The following SULF2 variants were observed in gnomAD, a reference collection of about 807,000 sequenced individuals.
The protein encoded by SULF2 is sulfatase 2, also known as extracellular sulfatase Sulf-2.
In SULF2, 52 loss-of-function variants were observed where a neutral mutation model predicts 107.7. The ratio of observed to expected loss-of-function variants is 0.48; its 90% CI spans 0.39 to 0.61. The LOEUF (loss-of-function observed/expected upper bound fraction) is 0.61, where lower values mean the gene tolerates loss of function less well. Ranked by LOEUF, SULF2 falls within the 20% of genes least tolerant of loss-of-function variation. SULF2 has a pLI of 0.00. For synonymous variants in SULF2, 460 were observed against 464.3 expected, an observed-to-expected ratio of 0.99 and a Z score of 0.12; for missense variants, 993 against 1,177.3, an observed-to-expected ratio of 0.84 and a Z score of 2.29.
chr20:47,747,018 T>TACACACACAC (rs58378160), intron 2 of SULF2, among the ~76,000 whole-genome samples: 21 of 75,130 alleles, frequency 2.8e-4, no homozygotes, highest in South Asian at 8.7e-4. Context: ...TATATATATA[T>TACACACACAC]ACACACACAC....
chr20:47,748,759 C>A (rs966342601), intron 2 of SULF2, among the ~76,000 whole-genome samples: 5 of 152,316 alleles, frequency 3.3e-5, no homozygotes, highest in Admixed American at 1.3e-4. Flanking sequence ...GTGGTGCCAA[C>A]AGAGGGTGAC....
At chr20:47,724,416 A>G (rs1191408525) in intron 3 of SULF2, among the ~76,000 whole-genome samples, 1 of 152,192 alleles carries the variant, frequency 6.6e-6, no homozygotes, top group African/African-American at 2.4e-5. Context: ...GGGGGACACC[A>G]AGGCCCTGCT....
rs905089835 is a variant in SULF2 at position 47,757,246 on chromosome 20, T to C, written c.118A>G (p.Arg40Gly). 1 of 1,570,512 alleles carries C rather than the reference T, an allele frequency of 6.4e-7. No individual in the cohort carries two copies. Among genetic ancestry groups the C allele is most frequent in the Non-Finnish European group, 8.6e-7 (1 of 1,156,760 alleles). Residue 40 changes from arginine to glycine, a missense_variant, in exon 2 of 21, where the codon AGG becomes GGG. Arg to Gly is a moderately radical substitution (Grantham distance 125). This residue lies in a region of SULF2 where 388 missense variants were observed against 449.2 expected (regional missense o/e 0.86). Coordinates refer to ENST00000688720, the MANE Select transcript of SULF2 (RefSeq NM_001387048.1). ...RLKGRFQRDR[R>G]NIRPNIILVL... is the part of the protein sequence containing the mutation. Reference sequence around the variant, plus strand: ...AGGATGATGTTGGGGCGGATGTTCCTGCGGTCCCTCTGAAACCTGCCTTTC... The same window carrying C: ...AGGATGATGTTGGGGCGGATGTTCCCGCGGTCCCTCTGAAACCTGCCTTTC...
chr20:47,689,753 A>G (rs562000781), intron 5 of SULF2: 1 of 167,080 alleles, frequency 6.0e-6, no homozygotes, highest in East Asian at 1.6e-4. Flanking sequence ...CCCACAGCTC[A>G]ATAAATGGTG....
chr20:47,698,279 C>T lies in SULF2; in HGVS notation c.567+4240G>A, dbSNP rs140861507. Among the ~76,000 whole-genome samples, 42 of 152,326 alleles carry T rather than the reference C, an allele frequency of 2.8e-4. No individual in the cohort carries two copies. The East Asian group carries it at 2.9e-3, about 10-fold the overall frequency. ...GCTCTATTCCCAGCCAACGTTCCAG[C>T]GTAGAGCTCCTGCTACCCCCATGTC... On this transcript the variant is annotated intron_variant, in intron 4 of 20. Coordinates refer to ENST00000688720, the MANE Select transcript of SULF2 (RefSeq NM_001387048.1).
intron 3 of SULF2, among the ~76,000 whole-genome samples, chr20:47,717,852 C>A (rs192923923): frequency 1.4e-5 from 2 of 144,542 alleles, no homozygotes; most frequent in Admixed American, 1.4e-4. Flanking sequence ...CTCGCTCTGT[C>A]ACCCAGGCTG....
intron 1 of SULF2, among the ~76,000 whole-genome samples, chr20:47,784,357 T>C: frequency 6.6e-6 from 1 of 151,944 alleles, no homozygotes; most frequent in East Asian, 1.9e-4. Flanking sequence ...AGGAAGACTT[T>C]CCAGAAAGGG....
Position 47,699,869 on chromosome 20 carries a change from C to A in SULF2, c.567+2650G>T, listed in dbSNP as rs922911607. Among the ~76,000 whole-genome samples, 6 of 152,236 alleles carry A rather than the reference C, an allele frequency of 3.9e-5. No individual in the cohort carries two copies. The East Asian group carries it at 1.2e-3, about 29-fold the overall frequency. Reference sequence around the variant, plus strand: ...GCCTGATCTGCCCCTTTTGGACAGACACCTTCTCCACCGTCTCCACCACTC... The same window carrying A: ...GCCTGATCTGCCCCTTTTGGACAGAAACCTTCTCCACCGTCTCCACCACTC... On this transcript the variant is annotated intron_variant, in intron 4 of 20. Transcript: ENST00000688720.
chr20:47,730,063 T>C (rs1010508191), intron 3 of SULF2, among the ~76,000 whole-genome samples: 1 of 152,092 alleles, frequency 6.6e-6, no homozygotes, highest in Non-Finnish European at 1.5e-5. Flanking sequence ...CCCCAGACCC[T>C]GGTGAGGGTA....
intron 1 of SULF2, among the ~76,000 whole-genome samples, chr20:47,784,654 G>T (rs899385893): frequency 7.2e-5 from 11 of 152,192 alleles, no homozygotes; most frequent in African/African-American, 2.4e-4. Flanking sequence ...CGCGGTGCCC[G>T]GCACGAGGGG....
chr20:47,702,639 G>A lies in SULF2; in HGVS notation c.447C>T (p.Asn149=), dbSNP rs142034306. 2.4e-4 allele frequency: 383 copies of A among 1,613,912 alleles called. 1 individual carries two copies. Among genetic ancestry groups the A allele is most frequent in the Admixed American group, 7.3e-4 (44 of 60,024 alleles). ...TCCAGCCGGGTGGCACGTAGGAGCC[G>A]TTGTATTCATTAAGATACTTCCCGA... is the stretch of plus-strand genomic sequence containing the variant. ...AFFGKYLNEY[N]GSYVPPGWKE... Residue 149 remains asparagine (N), a synonymous_variant, in exon 4 of 21, where the codon AAC becomes AAT. Coordinates refer to ENST00000688720, the MANE Select transcript of SULF2 (RefSeq NM_001387048.1).
intron 4 of SULF2, among the ~76,000 whole-genome samples, chr20:47,701,877 C>T (rs371345344): frequency 2.0e-5 from 3 of 152,048 alleles, no homozygotes; most frequent in African/African-American, 4.8e-5. Flanking sequence ...CTGCTGCGGG[C>T]GGTGGTGACA....
intron 3 of SULF2, among the ~76,000 whole-genome samples, chr20:47,715,842 G>C (rs1600556142): frequency 6.6e-6 from 1 of 152,196 alleles, no homozygotes; most frequent in Non-Finnish European, 1.5e-5. Flanking sequence ...GCCTCCCAAA[G>C]TGCTGGGATT....
In SULF2 at chr20:47,784,999, C is replaced by A. The variant is rs532061738; in HGVS notation, c.-101+344G>T. Among the ~76,000 whole-genome samples, 12 of 152,246 alleles carry A rather than the reference C, an allele frequency of 7.9e-5. 1 individual carries two copies. In the South Asian group the frequency reaches 2.3e-3, roughly 29 times the overall value. On this transcript the variant is annotated intron_variant, in intron 1 of 20. Coordinates refer to ENST00000688720, the MANE Select transcript of SULF2 (RefSeq NM_001387048.1). ...AAGGGTCAACAAGGCCATGCCCCTGCGGATGGCCGGCCCAGGCGCGCTCCC... is the reference window on the plus strand; with the variant it reads ...AAGGGTCAACAAGGCCATGCCCCTGAGGATGGCCGGCCCAGGCGCGCTCCC...
At chr20:47,768,884 T>TTTG (rs1300388126) in intron 1 of SULF2, among the ~76,000 whole-genome samples, 4 of 90,528 alleles carry the variant, frequency 4.4e-5, no homozygotes, top group African/African-American at 1.5e-4. Context: ...GTGTGCGTGT[T>TTTG]TTTTTTTTTT....
chr20:47,684,217 T>G, intron 6 of SULF2: 1 of 491,378 alleles, frequency 2.0e-6, no homozygotes, highest in Non-Finnish European at 3.5e-6. Context: ...GGTTACCGTA[T>G]TGGGCAACAC....
chr20:47,768,404 A>C (rs79846037), intron 1 of SULF2, among the ~76,000 whole-genome samples: 2,950 of 152,362 alleles, frequency 0.019, 48 homozygotes, highest in South Asian at 0.039. Flanking sequence ...CTTCAAGATC[A>C]GAAGTGAAAT....
intron 18 of SULF2, 137 bp from the exon 19 acceptor site, chr20:47,659,867 G>A: frequency 1.5e-6 from 1 of 673,812 alleles, no homozygotes; most frequent in East Asian, 2.7e-5. Context: ...AGAGTAGACT[G>A]AATTATGAGG....
chr20:47,718,332 TATC>T (rs2089187090), intron 3 of SULF2, among the ~76,000 whole-genome samples: 1 of 152,224 alleles, frequency 6.6e-6, no homozygotes, highest in Non-Finnish European at 1.5e-5. Context: ...TTACTGTTTT[TATC>T]ATAATATTAT....
Sources: gnomAD v4.1 joint callset for allele counts (sites outside exome capture counted in the v4.1 genomes callset) on GRCh38, gnomAD v4.1.1 for gene constraint, gnomAD v4.1.1 regional missense constraint, MANE v1.5 for transcripts, NCBI Gene and HGNC (gene_info 2026-07-23, HGNC 2026-07-21) for gene names.